CALN1: variants seen among roughly 807,000 people sequenced by gnomAD.
CALN1 encodes the protein calneuron 1.
Under a neutral mutation model 30.6 loss-of-function variants are expected in CALN1, and 17 were observed. The ratio of observed to expected loss-of-function variants is 0.56; its 90% confidence interval spans 0.38 to 0.83. The LOEUF (loss-of-function observed/expected upper bound fraction) is 0.83, where lower values mean the gene tolerates loss of function less well. Ranked by LOEUF, CALN1 falls within the 40% of genes least tolerant of loss-of-function variation. The pLI, the probability that CALN1 is intolerant of heterozygous loss-of-function variation, is 0.00. For synonymous variants in CALN1, 156 were observed against 131.4 expected (o/e 1.19, Z -1.28); for missense variants, 291 against 354.9 (o/e 0.82, Z 1.45).
Position 72,218,951 on chromosome 7 carries a change from G to C in CALN1, c.244+59735C>G, listed in dbSNP as rs544207966. Among the ~76,000 whole-genome samples the C allele has an allele frequency of 2.2e-4, 33 of 152,260 alleles. 1 individual carries two copies. The South Asian group carries it at 6.6e-3, about 31-fold the overall frequency. The stretch of plus-strand genomic sequence containing the variant: ...GGGCTGGGTAGGAGAGATGCAAATT[G>C]TGTACTCCCAAGAGCGACAGAGTGC... On this transcript the variant is annotated intron_variant, in intron 3 of 6. Coordinates refer to ENST00000395275, the MANE Select transcript of CALN1 (RefSeq NM_031468.4).
chr7:72,225,050 A>G (rs1333776156), intron 3 of CALN1, among the ~76,000 whole-genome samples: 1 of 151,680 alleles, frequency 6.6e-6, no homozygotes, highest in Middle Eastern at 3.2e-3. Context: ...TGCAGTGAGC[A>G]GAGATCACGC....
chr7:72,441,597 CAAAAAAAAAA>C (rs56230554), intron 1 of CALN1, among the ~76,000 whole-genome samples: 2 of 79,542 alleles, frequency 2.5e-5, no homozygotes, highest in South Asian at 4.9e-4. Flanking sequence ...CACTCCGTCT[CAAAAAAAAAA>C]AAAAAAAAAA....
intron 3 of CALN1, among the ~76,000 whole-genome samples, chr7:72,204,659 A>C (rs995267388): frequency 1.2e-4 from 19 of 152,156 alleles, no homozygotes; most frequent in Non-Finnish European, 1.0e-4. Flanking sequence ...CATGAGCATA[A>C]TGGGAATCAC....
the CALN1 span, among the ~76,000 whole-genome samples, chr7:72,475,134 T>C: frequency 6.6e-6 from 1 of 152,158 alleles, no homozygotes; most frequent in Non-Finnish European, 1.5e-5. Context: ...TCAGCAAAGA[T>C]TGAACAAAGA....
intron 4 of CALN1, among the ~76,000 whole-genome samples, chr7:72,038,595 A>G (rs779041547): frequency 6.6e-6 from 1 of 152,140 alleles, no homozygotes; most frequent in Non-Finnish European, 1.5e-5. Context: ...CTGCATTTCC[A>G]GATGGTGAGG....
chr7:72,196,315 C>T (rs957060933), intron 3 of CALN1, among the ~76,000 whole-genome samples: 2 of 152,044 alleles, frequency 1.3e-5, no homozygotes, highest in African/African-American at 2.4e-5. Context: ...AATGCGGTTT[C>T]GCCATGTTGC....
At chr7:71,900,665 C>T (rs1793798273) in intron 5 of CALN1, among the ~76,000 whole-genome samples, 1 of 152,158 alleles carries the variant, frequency 6.6e-6, no homozygotes, top group African/African-American at 2.4e-5. Context: ...ACAGATGTTC[C>T]AGAAGGGGGC....
chr7:72,279,236 T>A (rs1258130900), intron 2 of CALN1, among the ~76,000 whole-genome samples: 1 of 152,160 alleles, frequency 6.6e-6, no homozygotes, highest in African/African-American at 2.4e-5. Context: ...TTGTCTGTGA[T>A]CAAGCAGAGA....
At chr7:72,211,625 G>C (rs758734101) in intron 3 of CALN1, among the ~76,000 whole-genome samples, 16 of 152,118 alleles carry the variant, frequency 1.1e-4, no homozygotes. Context: ...AACAAGGCCT[G>C]GTACATCACG....
chr7:72,386,524 G>A (rs1347694616), intron 2 of CALN1, among the ~76,000 whole-genome samples: 1 of 152,340 alleles, frequency 6.6e-6, no homozygotes, highest in African/African-American at 2.4e-5. Context: ...AATGGTGGAT[G>A]GTAGGAGCCA....
chr7:72,054,432 CGTAT>C lies in CALN1; in HGVS notation c.389-30667_389-30664del, dbSNP rs1435200343. Among the ~76,000 whole-genome samples the C allele has an allele frequency of 1.7e-3, 37 of 21,890 alleles. No individual in the cohort carries two copies. The East Asian group carries it at 0.16, about 93-fold the overall frequency. 14.4% of individuals were successfully genotyped at this position (21,890 alleles called of 152,430 possible). A position where few individuals can be genotyped will look rare whatever the true frequency, so the allele number is the denominator to read the frequency against. On this transcript the variant is annotated intron_variant, in intron 4 of 6. Transcript: ENST00000395275. Reference sequence around the variant, plus strand: ...ATATATATATACGTGTATATATACACGTATATATATATATACATATATATACATA... The same window carrying C: ...ATATATATATACGTGTATATATACACATATATATATACATATATATACATA...
chr7:72,374,531 CAAAAAAAAAAAAAAAAGGA>C (rs1253814268), intron 2 of CALN1, among the ~76,000 whole-genome samples: 1 of 50,492 alleles, frequency 2.0e-5, no homozygotes, highest in African/African-American at 7.4e-5. Context: ...ACTCTGTCTC[CAAAAAAAAAAAAAAAAGGA>C]AAAAAAAGAA....
chr7:72,342,979 G>A (rs568917688), intron 2 of CALN1, among the ~76,000 whole-genome samples: 2 of 152,274 alleles, frequency 1.3e-5, no homozygotes, highest in South Asian at 2.1e-4. Context: ...GTGGCTAGGG[G>A]TTTGCCACAA....
intron 2 of CALN1, among the ~76,000 whole-genome samples, chr7:72,391,723 T>C (rs560909017): frequency 6.6e-6 from 1 of 152,164 alleles, no homozygotes; most frequent in Non-Finnish European, 1.5e-5. Flanking sequence ...TTTTTTGTTT[T>C]TGTTTTTGTT....
chr7:72,396,999 A>G (rs572384822), intron 2 of CALN1, among the ~76,000 whole-genome samples: 2 of 151,870 alleles, frequency 1.3e-5, no homozygotes, highest in Non-Finnish European at 1.5e-5. Flanking sequence ...CAGCCTCCAA[A>G]TCCTGGGCTC....
chr7:71,824,155 C>T (rs1788772528), intron 5 of CALN1, among the ~76,000 whole-genome samples: 1 of 152,088 alleles, frequency 6.6e-6, no homozygotes, highest in Non-Finnish European at 1.5e-5. Context: ...TGCCCAGGTG[C>T]CAGGCCTCTC....
chr7:72,115,265 G>T (rs865225), intron 3 of CALN1, among the ~76,000 whole-genome samples: 6 of 147,006 alleles, frequency 4.1e-5, no homozygotes, highest in African/African-American at 1.5e-4. Context: ...TGGGCCACAG[G>T]AACAAGCCAC....
At chr7:72,447,820 T>A (rs1279990984), upstream of CALN1, among the ~76,000 whole-genome samples, 1 of 148,306 alleles carries the variant, frequency 6.7e-6, no homozygotes, top group African/African-American at 2.5e-5. Context: ...CATTCCTATG[T>A]ACACACATAC....
chr7:72,352,300 A>AATC (rs1802965953), intron 2 of CALN1, among the ~76,000 whole-genome samples: 1 of 150,486 alleles, frequency 6.6e-6, no homozygotes, highest in African/African-American at 2.5e-5. Flanking sequence ...GAGGCAGGAG[A>AATC]ATCGCTTGAA....
Sources: allele counts gnomAD v4.1 joint callset (sites outside exome capture counted in the v4.1 genomes callset), GRCh38; gene constraint gnomAD v4.1.1; transcripts MANE v1.5; gene names NCBI Gene and HGNC (gene_info 2026-07-23, HGNC 2026-07-21).